Variants in SYT14 observed in about 807,000 individuals in gnomAD.
SYT14 encodes the protein synaptotagmin-14.
Under a neutral mutation model 74.2 loss-of-function variants are expected in SYT14, and 32 were observed. The observed-to-expected ratio is 0.43, with a 90% CI of 0.33 to 0.58. SYT14 has a LOEUF of 0.58. Among genes scored for constraint, SYT14 ranks in the 20% least tolerant of loss-of-function variants. The pLI, the probability that SYT14 is intolerant of heterozygous loss-of-function variation, is 0.05. For missense variants in SYT14, 791 were observed against 981.8 expected (o/e 0.81, Z 2.60); for synonymous variants, 298 against 337.7 (o/e 0.88, Z 1.29).
intron 2 of SYT14, among the ~76,000 whole-genome samples, chr1:209,977,330 G>T (rs566586931): frequency 6.6e-6 from 1 of 152,278 alleles, no homozygotes; most frequent in East Asian, 1.9e-4. Context: ...GCATGTTTTT[G>T]CAGTGGCTGG....
chr1:209,963,696 C>T (rs911814568), intron 2 of SYT14, among the ~76,000 whole-genome samples: 3 of 152,106 alleles, frequency 2.0e-5, no homozygotes, highest in African/African-American at 7.2e-5. Context: ...GTTAGGTAAA[C>T]ACAAACAAAC....
At chr1:209,944,845 G>A (rs2078796798) in intron 1 of SYT14, among the ~76,000 whole-genome samples, 1 of 152,024 alleles carries the variant, frequency 6.6e-6, no homozygotes, top group African/African-American at 2.4e-5. Context: ...ATATTTACAT[G>A]GGAGAATGCT....
In SYT14 at chr1:209,976,220, C is replaced by T. The variant is rs369093679; in HGVS notation, c.-486+23464C>T. On this transcript the variant is annotated intron_variant, in intron 2 of 9. Transcript: ENST00000637265. ...CTATTTCCTTCAGTTCTGCTCTGAT[C>T]TTAGTTATTTCTTGCCTTCTGCTAG... Among the ~76,000 whole-genome samples, 989 of 151,708 alleles carry T rather than the reference C, an allele frequency of 6.5e-3. 14 individuals are homozygous for T. The highest frequency in any genetic ancestry group is 0.023 in the African/African-American group (941 of 41,310).
At chr1:210,161,792 T>C (rs1340761961) in exon 10 of SYT14, 1 of 453,886 alleles carries the variant, frequency 2.2e-6, no homozygotes, top group Admixed American at 2.4e-5. Context: ...ACTGTAGAAC[T>C]ACGTAACTTT....
chr1:210,154,392 C>G (rs1284943259), intron 7 of SYT14, among the ~76,000 whole-genome samples: 1 of 152,192 alleles, frequency 6.6e-6, no homozygotes, highest in East Asian at 1.9e-4. Context: ...TTAGATTACC[C>G]TCTACATCCT....
intron 5 of SYT14, among the ~76,000 whole-genome samples, chr1:210,036,596 A>T (rs1466892677): frequency 6.6e-6 from 1 of 151,776 alleles, no homozygotes; most frequent in Non-Finnish European, 1.5e-5. Flanking sequence ...TTATTTTGAG[A>T]TATGTTCCTT....
chr1:209,973,883 A>G (rs1005278988), intron 2 of SYT14, among the ~76,000 whole-genome samples: 47 of 152,206 alleles, frequency 3.1e-4, no homozygotes, highest in Non-Finnish European at 5.3e-4. Flanking sequence ...TTGTTTCCTG[A>G]CTTTTTAATG....
At chr1:210,044,159 A>G (rs558367022) in intron 5 of SYT14, among the ~76,000 whole-genome samples, 1 of 152,218 alleles carries the variant, frequency 6.6e-6, no homozygotes, top group East Asian at 1.9e-4. Context: ...ATAAACATCT[A>G]CTTTTGGATC....
At chr1:210,100,573 T>C in intron 7 of SYT14, 112 bp downstream of exon 6, 1 of 1,057,580 alleles carries the variant, frequency 9.5e-7, no homozygotes, top group South Asian at 1.4e-5. Flanking sequence ...TTTTTTTACA[T>C]AGTAATCATG....
intron 5 of SYT14, among the ~76,000 whole-genome samples, chr1:210,066,618 G>T (rs1029313580): frequency 6.6e-6 from 1 of 151,916 alleles, no homozygotes; most frequent in Non-Finnish European, 1.5e-5. Flanking sequence ...TTGTATTCCG[G>T]ATGTTAGCCC....
intron 9 of SYT14, 144 bp from the exon 9 acceptor site, chr1:210,160,585 A>G: frequency 1.4e-6 from 1 of 723,796 alleles, no homozygotes; most frequent in Admixed American, 2.8e-5. Context: ...ATCTACATCA[A>G]AATGGAATTG....
intron 7 of SYT14, among the ~76,000 whole-genome samples, chr1:210,110,466 C>T (rs927333192): frequency 2.0e-5 from 3 of 152,094 alleles, no homozygotes; most frequent in Non-Finnish European, 4.4e-5. Context: ...AACTTTGCTT[C>T]CTGATCTTGA....
intron 9 of SYT14, 132 bp downstream of exon 8, chr1:210,159,609 T>A: frequency 1.3e-6 from 1 of 769,644 alleles, no homozygotes; most frequent in South Asian, 1.6e-5. Flanking sequence ...TGTGGTACTT[T>A]AAATAAAACT....
intron 2 of SYT14, among the ~76,000 whole-genome samples, chr1:210,011,039 A>G (rs1177768631): frequency 6.6e-6 from 1 of 152,164 alleles, no homozygotes; most frequent in East Asian, 1.9e-4. Context: ...ATTTTCTTTC[A>G]TTTAGTTTTC....
intron 5 of SYT14, among the ~76,000 whole-genome samples, chr1:210,078,722 G>A (rs545906300): frequency 2.6e-4 from 40 of 151,564 alleles, no homozygotes; most frequent in Non-Finnish European, 5.0e-4. Flanking sequence ...TTCATTGACC[G>A]TCTATGAATA....
intron 5 of SYT14, among the ~76,000 whole-genome samples, chr1:210,068,319 G>A (rs2081333317): frequency 6.6e-6 from 1 of 151,626 alleles, no homozygotes; most frequent in South Asian, 2.1e-4. Context: ...TACCTCTTGT[G>A]TTCCCTTTAT....
Position 210,013,814 on chromosome 1 carries a change from T to C in SYT14, c.-321+17T>C, listed in dbSNP as rs1323582042. On this transcript the variant is annotated intron_variant, in intron 3 of 9. Transcript: ENST00000637265. ...ATAAAATTTGTAAGTATCGTATTGC[T>C]GCTTCTCTTGTTTGTTCTTTTTATC... 6.2e-7 allele frequency: 1 copy of C among 1,607,796 alleles called. No homozygotes were observed. The highest frequency in any genetic ancestry group is 2.2e-5 in the East Asian group (1 of 44,740).
chr1:209,996,615 G>A (rs1235560711), intron 2 of SYT14, among the ~76,000 whole-genome samples: 1 of 151,966 alleles, frequency 6.6e-6, no homozygotes, highest in Non-Finnish European at 1.5e-5. Context: ...TACAAAGCCA[G>A]CATCACCCTA....
At chr1:210,081,884 A>G (rs751578338) in intron 5 of SYT14, among the ~76,000 whole-genome samples, 8 of 152,242 alleles carry the variant, frequency 5.3e-5, no homozygotes, top group Non-Finnish European at 1.2e-4. Flanking sequence ...TGATAGTGAA[A>G]CATCTAGACA....
Sources: gnomAD v4.1 joint callset for allele counts (sites outside exome capture counted in the v4.1 genomes callset) on GRCh38, gnomAD v4.1.1 for gene constraint, MANE v1.5 for transcripts, NCBI Gene and HGNC (gene_info 2026-07-23, HGNC 2026-07-21) for gene names.